Variants in BNC2 observed in about 807,000 individuals in gnomAD.
BNC2 encodes basonuclin zinc finger protein 2.
In BNC2, 20 loss-of-function variants were observed where a neutral mutation model predicts 76.3. The ratio of observed to expected loss-of-function variants is 0.26; its 90% confidence interval spans 0.18 to 0.38. BNC2 has a LOEUF of 0.38. Ranked by LOEUF, BNC2 falls within the 10% of genes least tolerant of loss-of-function variation. BNC2 has a pLI of 1.00. For synonymous variants in BNC2, 582 were observed against 514.8 expected, an observed-to-expected ratio of 1.13 and a Z score of -1.77; for missense variants, 1,382 against 1,399.8, an observed-to-expected ratio of 0.99 and a Z score of 0.20.
rs34169220 is a variant in BNC2, at chr9:16,471,292, ATT to A, written c.670-33770_670-33769del. 0.012 allele frequency among the ~76,000 whole-genome samples: 1,543 copies of A among 133,654 alleles called. 82 individuals are homozygous for A. In the South Asian group the frequency reaches 0.13, roughly 11 times the overall value. 87.7% of individuals were successfully genotyped at this position (133,654 alleles called of 152,430 possible). On this transcript the variant is annotated intron_variant, in intron 5 of 6. Transcript: ENST00000380672. ...CTGGGAAGTAACTAGCTTGCTTTTGATTTTTTTTTTTTTTTTTTTAAGATAGA... is the reference window on the plus strand; with the variant it reads ...CTGGGAAGTAACTAGCTTGCTTTTGATTTTTTTTTTTTTTTTTAAGATAGA...
chr9:16,805,403 C>G (rs141447950), intron 1 of BNC2, among the ~76,000 whole-genome samples: 5 of 151,958 alleles, frequency 3.3e-5, no homozygotes, highest in African/African-American at 1.2e-4. Flanking sequence ...CTCAGCTCAC[C>G]GCAACCTCCG....
chr9:16,669,741 A>G (rs1822418520), intron 3 of BNC2, among the ~76,000 whole-genome samples: 2 of 152,230 alleles, frequency 1.3e-5, no homozygotes, highest in Admixed American at 6.5e-5. Context: ...CATTCCTATA[A>G]GCAGTACATA....
intron 3 of BNC2, among the ~76,000 whole-genome samples, chr9:16,662,974 C>A (rs185921693): frequency 6.6e-6 from 1 of 152,058 alleles, no homozygotes; most frequent in Non-Finnish European, 1.5e-5. Flanking sequence ...TTATGATCTG[C>A]CCTCAAGGAG....
At chr9:16,632,514 AT>A (rs149107569) in intron 3 of BNC2, among the ~76,000 whole-genome samples, 7,988 of 152,238 alleles carry the variant, frequency 0.052, 743 homozygotes, top group African/African-American at 0.18. Context: ...TGAACTCTTA[AT>A]TTAAGGGAAC....
chr9:16,643,341 G>A (rs988092365), intron 3 of BNC2, among the ~76,000 whole-genome samples: 15 of 151,184 alleles, frequency 9.9e-5, no homozygotes, highest in Non-Finnish European at 1.9e-4. Flanking sequence ...CAAATTCTGG[G>A]AGACCAGAAT....
At chr9:16,578,810 C>T (rs1017512106) in intron 4 of BNC2, among the ~76,000 whole-genome samples, 3 of 152,004 alleles carry the variant, frequency 2.0e-5, no homozygotes, top group Non-Finnish European at 4.4e-5. Flanking sequence ...ATGAAGGAAA[C>T]GCACTGAGAA....
At chr9:16,724,763 T>C (rs1587354439) in intron 3 of BNC2, among the ~76,000 whole-genome samples, 1 of 152,102 alleles carries the variant, frequency 6.6e-6, no homozygotes, top group East Asian at 1.9e-4. Context: ...AGTTTACTAA[T>C]AGAACACATA....
chr9:16,518,385 C>T (rs976353381), intron 5 of BNC2, among the ~76,000 whole-genome samples: 4 of 151,914 alleles, frequency 2.6e-5, no homozygotes, highest in Non-Finnish European at 5.9e-5. Flanking sequence ...ACTGAGTACT[C>T]CACTGCACTC....
At chr9:16,627,177 G>A (rs570101669) in intron 3 of BNC2, among the ~76,000 whole-genome samples, 1 of 152,132 alleles carries the variant, frequency 6.6e-6, no homozygotes, top group African/African-American at 2.4e-5. Context: ...AGGCATGAAC[G>A]GTGCAGAACT....
chr9:16,545,481 G>C (rs1818453072), intron 5 of BNC2, among the ~76,000 whole-genome samples: 2 of 151,988 alleles, frequency 1.3e-5, no homozygotes, highest in Admixed American at 1.3e-4. Context: ...TAAAGACACG[G>C]GCCTAATTTT....
intron 1 of BNC2, among the ~76,000 whole-genome samples, chr9:16,797,712 C>T (rs758345811): frequency 6.6e-6 from 1 of 152,200 alleles, no homozygotes; most frequent in East Asian, 1.9e-4. Context: ...TTAAAAGAAA[C>T]TGGGGTTTCT....
intron 4 of BNC2, among the ~76,000 whole-genome samples, chr9:16,558,694 G>A (rs986237190): frequency 6.6e-5 from 10 of 152,270 alleles, no homozygotes; most frequent in African/African-American, 9.6e-5. Context: ...ACTTTGGGAG[G>A]TTGAGGCGGG....
At chr9:16,585,166 C>T (rs956464048) in intron 3 of BNC2, among the ~76,000 whole-genome samples, 3 of 151,958 alleles carry the variant, frequency 2.0e-5, no homozygotes, top group Non-Finnish European at 4.4e-5. Context: ...TTAATTACAG[C>T]CATATTTAAG....
intron 1 of BNC2, chr9:16,832,491 A>C (rs1818599275): frequency 6.1e-6 from 1 of 164,966 alleles, no homozygotes; most frequent in South Asian, 2.0e-4. Flanking sequence ...TTAATTTCTG[A>C]AGACCTCCAC....
At chr9:16,461,688 C>A (rs1159669467) in intron 5 of BNC2, among the ~76,000 whole-genome samples, 30 of 152,142 alleles carry the variant, frequency 2.0e-4, no homozygotes, top group Admixed American at 2.0e-3. Context: ...CGCTGCATCA[C>A]CAGGGACTGC....
chr9:16,521,320 C>A (rs79755244), intron 5 of BNC2, among the ~76,000 whole-genome samples: 1 of 152,294 alleles, frequency 6.6e-6, no homozygotes, highest in African/African-American at 2.4e-5. Context: ...CACAACCCAA[C>A]TGAAATCTTA....
At position 16,579,840 on chromosome 9, in the gene BNC2, A is replaced by T. The variant is rs918929513; in HGVS notation, c.433+3143T>A. 1.2e-5 allele frequency: 4 copies of T among 336,516 alleles called. No individual in the cohort carries two copies. The Admixed American group carries it at 1.9e-4, about 16-fold the overall frequency. The allele number at this position is 336,516 out of a possible 1,614,324, so 20.8% of individuals were successfully genotyped here. On this transcript the variant is annotated intron_variant, in intron 4 of 6. Coordinates refer to ENST00000380672, the MANE Select transcript of BNC2 (RefSeq NM_017637.6). ...CAAGAAAGGAGGTCAACAAATTTCT[A>T]AAAATCTGTTTTAGAGAGAATACAT...
intron 3 of BNC2, among the ~76,000 whole-genome samples, chr9:16,594,606 AT>A (rs1382449657): frequency 2.6e-5 from 4 of 152,194 alleles, no homozygotes; most frequent in African/African-American, 9.6e-5. Flanking sequence ...ATGACAACTG[AT>A]TACCCAGGCC....
At chr9:16,495,939 A>T (rs1587095776) in intron 5 of BNC2, among the ~76,000 whole-genome samples, 3 of 138,460 alleles carry the variant, frequency 2.2e-5, no homozygotes, top group Admixed American at 7.5e-5. Flanking sequence ...ATGGAGTTTC[A>T]CTCTTGTTGC....
Sources: allele counts gnomAD v4.1 joint callset (sites outside exome capture counted in the v4.1 genomes callset), GRCh38; gene constraint gnomAD v4.1.1; transcripts MANE v1.5; gene names NCBI Gene and HGNC (gene_info 2026-07-23, HGNC 2026-07-21).